Variants in EYS observed in about 807,000 individuals in gnomAD.
EYS encodes the protein EGF-like photoreceptor maintenance factor.
Under a neutral mutation model 282.1 loss-of-function variants are expected in EYS, and 250 were observed. The observed-to-expected ratio is 0.89, with a 90% CI of 0.80 to 0.98. The LOEUF (loss-of-function observed/expected upper bound fraction) is 0.98. EYS is among the 50% of genes least tolerant of loss of function. EYS has a pLI of 0.00. For missense variants in EYS, 4,016 were observed against 3,709.0 expected (o/e 1.08, Z -2.15); for synonymous variants, 1,355 against 1,282.9 (o/e 1.06, Z -1.20).
At chr6:65,144,110 T>C (rs993902792) in intron 12 of EYS, among the ~76,000 whole-genome samples, 1 of 152,118 alleles carries the variant, frequency 6.6e-6, no homozygotes, top group East Asian at 1.9e-4. Context: ...CAATGCCTGC[T>C]AAACTTTTGT....
chr6:65,148,782 AC>A (rs1280387712), intron 12 of EYS, among the ~76,000 whole-genome samples: 1 of 151,620 alleles, frequency 6.6e-6, no homozygotes, highest in African/African-American at 2.4e-5. Flanking sequence ...ATTTCCATAC[AC>A]CCTCTGAAAC....
chr6:65,478,879 A>C (rs1166117355), intron 5 of EYS, among the ~76,000 whole-genome samples: 1 of 152,168 alleles, frequency 6.6e-6, no homozygotes, highest in African/African-American at 2.4e-5. Context: ...CTCACTGAAA[A>C]CTACAAAAAT....
chr6:64,945,093 C>T (rs1045551438), intron 15 of EYS, among the ~76,000 whole-genome samples: 7 of 148,078 alleles, frequency 4.7e-5, no homozygotes, highest in East Asian at 2.0e-4. Flanking sequence ...TGCTGAGTGC[C>T]GGTCCCCTGG....
chr6:65,403,344 A>G (rs1185077546), intron 6 of EYS, among the ~76,000 whole-genome samples: 1 of 151,872 alleles, frequency 6.6e-6, no homozygotes, highest in African/African-American at 2.4e-5. Context: ...CAACCTAATC[A>G]TCATATTTCT....
At chr6:63,881,635 A>G (rs1452517613) in intron 35 of EYS, among the ~76,000 whole-genome samples, 1 of 152,150 alleles carries the variant, frequency 6.6e-6, no homozygotes. Flanking sequence ...TCTTAAGTTG[A>G]ATTTATTTCA....
At chr6:63,870,679 T>C (rs1221866814) in intron 35 of EYS, among the ~76,000 whole-genome samples, 2 of 152,182 alleles carry the variant, frequency 1.3e-5, no homozygotes, top group Non-Finnish European at 2.9e-5. Context: ...AAAAGTAGTT[T>C]GTGTCTGCCA....
chr6:64,064,363 T>C (rs1047127555), intron 33 of EYS, among the ~76,000 whole-genome samples: 7 of 152,152 alleles, frequency 4.6e-5, no homozygotes, highest in African/African-American at 1.7e-4. Flanking sequence ...AAAAATGAGA[T>C]GCAAATATTA....
intron 26 of EYS, among the ~76,000 whole-genome samples, chr6:64,564,934 GT>G (rs1169720000): frequency 6.6e-6 from 1 of 152,136 alleles, no homozygotes; most frequent in East Asian, 1.9e-4. Context: ...ATTTTAGTAT[GT>G]TGAACATTTT....
At chr6:64,968,170 C>T (rs1024259338) in intron 14 of EYS, among the ~76,000 whole-genome samples, 9 of 151,842 alleles carry the variant, frequency 5.9e-5, no homozygotes, top group African/African-American at 9.7e-5. Context: ...AAATTAACTT[C>T]GATTTTTAAA....
At chr6:64,112,330 G>A (rs1773230158) in intron 31 of EYS, among the ~76,000 whole-genome samples, 1 of 151,912 alleles carries the variant, frequency 6.6e-6, no homozygotes, top group Non-Finnish European at 1.5e-5. Context: ...TGGTCAAGAA[G>A]TTTAATTGAT....
intron 24 of EYS, among the ~76,000 whole-genome samples, chr6:64,611,103 G>A (rs1469439642): frequency 1.3e-5 from 2 of 152,062 alleles, no homozygotes; most frequent in Non-Finnish European, 2.9e-5. Context: ...TAGGATCTTG[G>A]CTCTCTGTTA....
At chr6:64,259,763 T>A (rs6930252) in intron 30 of EYS, among the ~76,000 whole-genome samples, 104,326 of 151,700 alleles carry the variant, frequency 0.69, 35,914 homozygotes, top group South Asian at 0.71. Context: ...TAAGGTTTTC[T>A]TGTATATCTC....
At chr6:65,297,240 T>C (rs982663031) in intron 11 of EYS, among the ~76,000 whole-genome samples, 1 of 151,856 alleles carries the variant, frequency 6.6e-6, no homozygotes, top group African/African-American at 2.4e-5. Context: ...TCAAGAATTC[T>C]TTACCAAGCA....
intron 33 of EYS, among the ~76,000 whole-genome samples, chr6:64,000,786 C>T (rs1351267128): frequency 2.6e-5 from 4 of 152,050 alleles, no homozygotes; most frequent in Non-Finnish European, 5.9e-5. Flanking sequence ...AATTATTCCA[C>T]GGCTGTTTTG....
At chr6:65,170,147 T>C (rs905711981) in intron 12 of EYS, among the ~76,000 whole-genome samples, 1 of 151,412 alleles carries the variant, frequency 6.6e-6, no homozygotes, top group Non-Finnish European at 1.5e-5. Context: ...AAGAACCCCA[T>C]GGTGAAGATG....
Position 65,503,433 on chromosome 6 carries a change from T to G in EYS, c.-332-7440A>C, listed in dbSNP as rs190888335. ...ATTTTTGTTCTCTTAACAGTGTCAC[T>G]TCAGAGCAGATTTTACTTTTAAAAA... On this transcript the variant is annotated intron_variant, in intron 2 of 42. Transcript: ENST00000503581. Among the ~76,000 whole-genome samples, 196 of 151,810 alleles carry G rather than the reference T, an allele frequency of 1.3e-3. 1 individual carries two copies. Among genetic ancestry groups the G allele is most frequent in the Admixed American group, 2.1e-3 (32 of 15,196 alleles).
Position 63,789,196 on chromosome 6 carries a change from C to A in EYS, c.7440G>T (p.Val2480=). 6.4e-7 allele frequency: 1 copy of A among 1,551,832 alleles called. No individual in the cohort carries two copies. The highest frequency in any genetic ancestry group is 1.2e-5 in the South Asian group (1 of 84,052). The stretch of plus-strand genomic sequence containing the variant: ...AAACCACACTGCCATTGAGCAGGCC[C>A]ACAGCCAGGAAGTCATCGCCATTCA... The part of the protein sequence containing the change: ...HGLNGDDFLA[V]GLLNGSVVYS... The change falls in exon 38 of 43, where the codon GTG becomes GTT. Residue 2480 remains valine, a synonymous_variant. Transcript: ENST00000503581.
rs188289340 is a variant in EYS at position 63,944,679 on chromosome 6, A to T, written c.7055+39704T>A. Among the ~76,000 whole-genome samples, 35 of 152,268 alleles carry T rather than the reference A, an allele frequency of 2.3e-4. No homozygotes were observed. The East Asian group carries it at 6.4e-3, about 28-fold the overall frequency. On this transcript the variant is annotated intron_variant, in intron 35 of 42. Coordinates refer to ENST00000503581, the MANE Select transcript of EYS (RefSeq NM_001142800.2). ...AGTGGTGGCTCATGCCTGTAATCCT[A>T]GCACTTTGGGAGGCTGAGGTGGGTG...
At chr6:65,028,365 T>C (rs1002029247) in intron 13 of EYS, among the ~76,000 whole-genome samples, 10 of 151,950 alleles carry the variant, frequency 6.6e-5, no homozygotes, top group African/African-American at 2.2e-4. Flanking sequence ...TTGTGAAACA[T>C]TTTAGAGGAA....
Sources: allele counts gnomAD v4.1 joint callset (sites outside exome capture counted in the v4.1 genomes callset), GRCh38; gene constraint gnomAD v4.1.1; transcripts MANE v1.5; gene names NCBI Gene and HGNC (gene_info 2026-07-23, HGNC 2026-07-21).